JARID2: variants seen among roughly 807,000 people sequenced by gnomAD.
JARID2 encodes protein Jumonji.
A neutral mutation model predicts 125.6 loss-of-function variants in JARID2; 21 were observed. The ratio of observed to expected loss-of-function variants is 0.17; its 90% confidence interval spans 0.12 to 0.24. The LOEUF is 0.24. Ranked by LOEUF, JARID2 falls within the 10% of genes least tolerant of loss-of-function variation. The pLI, the probability that JARID2 is intolerant of heterozygous loss-of-function variation, is 1.00. For synonymous variants in JARID2, 736 were observed against 661.6 expected (o/e 1.11, Z -1.73); for missense variants, 1,303 against 1,639.6 (o/e 0.79, Z 3.55).
At chr6:15,402,073 C>T (rs1332919169) in intron 2 of JARID2, among the ~76,000 whole-genome samples, 5 of 152,152 alleles carry the variant, frequency 3.3e-5, no homozygotes, top group South Asian at 4.1e-4. Flanking sequence ...TTAGAACTTC[C>T]AAGAGATTCC....
At chr6:15,445,250 CA>C (rs1767624308) in intron 3 of JARID2, among the ~76,000 whole-genome samples, 1 of 152,000 alleles carries the variant, frequency 6.6e-6, no homozygotes, top group African/African-American at 2.4e-5. Flanking sequence ...GAGGGTATTA[CA>C]AAAGAAAAAA....
chr6:15,272,170 A>T (rs1186488034), intron 1 of JARID2, among the ~76,000 whole-genome samples: 1 of 152,242 alleles, frequency 6.6e-6, no homozygotes, highest in Non-Finnish European at 1.5e-5. Context: ...AAAAACAGTG[A>T]TGCAATTGTA....
At chr6:15,413,834 G>A (rs1295611653) in intron 3 of JARID2, among the ~76,000 whole-genome samples, 1 of 152,094 alleles carries the variant, frequency 6.6e-6, no homozygotes, top group Non-Finnish European at 1.5e-5. Flanking sequence ...GTTCACGAGG[G>A]CAGATCCCTC....
intron 6 of JARID2, among the ~76,000 whole-genome samples, chr6:15,487,789 C>T (rs970150704): frequency 6.6e-6 from 1 of 152,230 alleles, no homozygotes; most frequent in Non-Finnish European, 1.5e-5. Context: ...AGTGAACTCA[C>T]TTTTTTACTT....
chr6:15,272,883 G>C (rs1760351146), intron 1 of JARID2, among the ~76,000 whole-genome samples: 1 of 152,158 alleles, frequency 6.6e-6, no homozygotes, highest in Non-Finnish European at 1.5e-5. Flanking sequence ...TCTTGCCATA[G>C]TCACTAAGTT....
At chr6:15,273,213 C>G (rs2327884) in intron 1 of JARID2, among the ~76,000 whole-genome samples, 1 of 152,144 alleles carries the variant, frequency 6.6e-6, no homozygotes, top group Admixed American at 6.5e-5. Context: ...TTTAAAATAC[C>G]TGAGTTTTAT....
At position 15,318,609 on chromosome 6, in the gene JARID2, A is replaced by AC. The variant is rs1353876884; in HGVS notation, c.46-55502dup. ...TCTTGTTCTGACATTCACTGGAGGC[A>AC]CCCCCCTCCCCTTTCCTTACAAGGC... On this transcript the variant is annotated intron_variant, in intron 1 of 17. Coordinates refer to ENST00000341776, the MANE Select transcript of JARID2 (RefSeq NM_004973.4). 7.9e-5 allele frequency among the ~76,000 whole-genome samples: 12 copies of AC among 151,478 alleles called. 1 individual carries two copies. Among genetic ancestry groups the AC allele is most frequent in the African/African-American group, 2.9e-4 (12 of 41,246 alleles).
At chr6:15,477,189 G>A (rs1289451575) in intron 5 of JARID2, among the ~76,000 whole-genome samples, 1 of 152,144 alleles carries the variant, frequency 6.6e-6, no homozygotes, top group Non-Finnish European at 1.5e-5. Context: ...GGCATGTTGT[G>A]TAAGGGCCAA....
chr6:15,495,457 C>T (rs9370819), intron 6 of JARID2, among the ~76,000 whole-genome samples: 58,455 of 151,982 alleles, frequency 0.38, 11,390 homozygotes, highest in East Asian at 0.5. Context: ...TCCAGCCTGG[C>T]CCTGTCCAGG....
chr6:15,386,360 A>T (rs1011593367), intron 2 of JARID2, among the ~76,000 whole-genome samples: 4 of 151,834 alleles, frequency 2.6e-5, no homozygotes, highest in African/African-American at 9.7e-5. Flanking sequence ...GTGAAACCAC[A>T]TATCTCCAGT....
chr6:15,489,961 C>G (rs1770069101), intron 6 of JARID2, among the ~76,000 whole-genome samples: 1 of 152,230 alleles, frequency 6.6e-6, no homozygotes, highest in Admixed American at 6.5e-5. Flanking sequence ...GGCTCTGACT[C>G]TGACCTTCAA....
At chr6:15,449,368 A>G (rs1767815710) in intron 3 of JARID2, among the ~76,000 whole-genome samples, 1 of 152,108 alleles carries the variant, frequency 6.6e-6, no homozygotes, top group Admixed American at 6.5e-5. Flanking sequence ...TTTTTGGGAC[A>G]GGCATCATGG....
At position 15,501,247 on chromosome 6, in the gene JARID2, C is replaced by A; in HGVS notation, c.2286C>A (p.His762Gln). Residue 762 changes from histidine to glutamine, a missense_variant, in exon 8 of 18, where the codon CAC becomes CAA. By Grantham distance (24) the His-to-Gln change is conservative (BLOSUM62 0). This residue lies in a region of JARID2 where 124 missense variants were observed against 131.0 expected (regional missense o/e 0.95). Coordinates refer to ENST00000341776, the MANE Select transcript of JARID2 (RefSeq NM_004973.4). Reference protein sequence around the residue: ...PRFEPKNGLIHGVAPRNGFRS... With the variant: ...PRFEPKNGLIQGVAPRNGFRS... ...TCGAGCCCAAGAATGGGCTCATCCACGGCGTGGCCCCCAGGAACGGCTTCC... is the reference window on the plus strand; with the variant it reads ...TCGAGCCCAAGAATGGGCTCATCCAAGGCGTGGCCCCCAGGAACGGCTTCC... 1 of 1,613,586 alleles carries A rather than the reference C, an allele frequency of 6.2e-7. No homozygotes were observed. Among genetic ancestry groups the A allele is most frequent in the Non-Finnish European group, 8.5e-7 (1 of 1,179,616 alleles).
chr6:15,458,188 T>C (rs1399179634), intron 4 of JARID2, among the ~76,000 whole-genome samples: 1 of 152,206 alleles, frequency 6.6e-6, no homozygotes, highest in East Asian at 1.9e-4. Context: ...TCGTCTCCTC[T>C]TTGTTCTGAC....
intron 1 of JARID2, among the ~76,000 whole-genome samples, chr6:15,356,154 C>T (rs1002432053): frequency 6.6e-6 from 1 of 152,132 alleles, no homozygotes; most frequent in Non-Finnish European, 1.5e-5. Context: ...ATCTTTTTTA[C>T]GGCTGAATAT....
chr6:15,410,415 A>G, intron 3 of JARID2, 50 bp downstream of exon 3: 1 of 1,578,790 alleles, frequency 6.3e-7, no homozygotes, highest in Non-Finnish European at 8.7e-7. Flanking sequence ...GGGACTGCAA[A>G]CTCAGGTGCC....
In JARID2 at chr6:15,496,890, C is replaced by T. The variant is rs376897226; in HGVS notation, c.1665C>T (p.Asp555=). ...GGGKAGWAAM[D]EIPVLRPSAK... ...GCAAGGCCGGGTGGGCGGCCATGGA[C>T]GAGATCCCCGTCCTCAGGCCCTCCG... Residue 555 remains aspartate, a synonymous_variant, in exon 7 of 18, where the codon GAC becomes GAT. Transcript: ENST00000341776. 59 of 1,600,818 alleles carry T rather than the reference C, an allele frequency of 3.7e-5. No individual in the cohort carries two copies. Among genetic ancestry groups the T allele is most frequent in the East Asian group, 1.3e-4 (6 of 44,582 alleles).
rs766580188 is a variant in JARID2 at position 15,508,302 on chromosome 6, A to G, written c.2732-38A>G. On this transcript the variant is annotated intron_variant, in intron 11 of 17. Transcript: ENST00000341776. ...CTGTTCCTTTGAGACCTTGTTGCCT[A>G]GCTTTTAAAAATGCCCTTTTCACTC... 6.9e-6 allele frequency: 7 copies of G among 1,014,458 alleles called. No homozygotes were observed. The African/African-American group carries it at 1.1e-4, about 16-fold the overall frequency. The allele number at this position is 1,014,458 out of a possible 1,614,324, so 62.8% of individuals were successfully genotyped here.
At chr6:15,514,045 C>CT (rs1771423640) in intron 16 of JARID2, among the ~76,000 whole-genome samples, 1 of 152,262 alleles carries the variant, frequency 6.6e-6, no homozygotes, top group African/African-American at 2.4e-5. Context: ...CTGTGCCCTG[C>CT]TGGCTTCCTC....
Sources: gnomAD v4.1 joint callset for allele counts (sites outside exome capture counted in the v4.1 genomes callset) on GRCh38, gnomAD v4.1.1 for gene constraint, gnomAD v4.1.1 regional missense constraint, MANE v1.5 for transcripts, NCBI Gene and HGNC (gene_info 2026-07-23, HGNC 2026-07-21) for gene names.